GAL3ST2: variants seen among roughly 807,000 people sequenced by gnomAD.
GAL3ST2 encodes beta-galactose-3-O-sulfotransferase 2.
Under a neutral mutation model 12.9 loss-of-function variants are expected in GAL3ST2, and 16 were observed. The ratio of observed to expected loss-of-function variants is 1.24; its 90% CI spans 0.84 to 1.88. GAL3ST2 has a LOEUF of 1.88. GAL3ST2 is among the 40% of genes most tolerant of loss of function. The pLI is 0.00. For synonymous variants in GAL3ST2, 302 were observed against 273.9 expected, an observed-to-expected ratio of 1.10 and a Z score of -1.01; for missense variants, 639 against 571.8, an observed-to-expected ratio of 1.12 and a Z score of -1.20.
chr2:241,781,621 C>T (rs1699567863), intron 1 of GAL3ST2, among the ~76,000 whole-genome samples: 2 of 151,984 alleles, frequency 1.3e-5, no homozygotes, highest in Admixed American at 6.6e-5. Flanking sequence ...TAAATTATAT[C>T]AGAATTATAG....
intron 1 of GAL3ST2, among the ~76,000 whole-genome samples, chr2:241,797,366 G>C (rs1031086888): frequency 2.0e-5 from 3 of 152,180 alleles, no homozygotes; most frequent in African/African-American, 7.2e-5. Context: ...TGACTGTTTA[G>C]AATTTTTCTG....
chr2:241,781,441 T>C (rs1202493346), intron 1 of GAL3ST2, among the ~76,000 whole-genome samples: 1 of 152,132 alleles, frequency 6.6e-6, no homozygotes, highest in Non-Finnish European at 1.5e-5. Flanking sequence ...GTTCTATAGC[T>C]GATTATAAAA....
intron 1 of GAL3ST2, among the ~76,000 whole-genome samples, chr2:241,796,046 G>T (rs1229759495): frequency 1.3e-5 from 2 of 152,230 alleles, no homozygotes; most frequent in African/African-American, 2.4e-5. Flanking sequence ...GTGCCGTGAG[G>T]ATGAAGTGTG....
chr2:241,786,478 T>C (rs1173454841), intron 1 of GAL3ST2, among the ~76,000 whole-genome samples: 1 of 151,982 alleles, frequency 6.6e-6, no homozygotes, highest in African/African-American at 2.4e-5. Flanking sequence ...CTCTCTACCA[T>C]CTTAGAAGCA....
At chr2:241,792,011 T>C (rs1699698313) in intron 1 of GAL3ST2, among the ~76,000 whole-genome samples, 1 of 148,730 alleles carries the variant, frequency 6.7e-6, no homozygotes, top group Admixed American at 6.7e-5. Flanking sequence ...CTTTTCTTTC[T>C]TTCTTTTTTT....
rs1453408396 is a variant in GAL3ST2, at chr2:241,800,010, G to A, written c.119+856G>A. On this transcript the variant is annotated intron_variant, in intron 2 of 3. Coordinates refer to ENST00000192314, the MANE Select transcript of GAL3ST2 (RefSeq NM_022134.3). The surrounding 1 kb of genome is among the most constrained non-coding windows in gnomAD (Gnocchi z 5.2). The stretch of plus-strand genomic sequence containing the variant: ...TGTGAAGGGACAAGAAGCACTGCAC[G>A]TGTGGCTGAGGTCACAAAGCCAGCT... Among the ~76,000 whole-genome samples the A allele has an allele frequency of 1.3e-5, 2 of 152,234 alleles. No individual in the cohort carries two copies. Among genetic ancestry groups the A allele is most frequent in the African/African-American group, 4.8e-5 (2 of 41,470 alleles).
chr2:241,799,526 C>T (rs1477348640), intron 2 of GAL3ST2, among the ~76,000 whole-genome samples: 1 of 152,214 alleles, frequency 6.6e-6, no homozygotes, highest in Non-Finnish European at 1.5e-5. Context: ...CAGGACAGAC[C>T]TTGCAGCCAT....
chr2:241,797,523 C>T (rs1184303425), intron 1 of GAL3ST2, among the ~76,000 whole-genome samples: 3 of 152,048 alleles, frequency 2.0e-5, no homozygotes, highest in Admixed American at 6.5e-5. Flanking sequence ...GCCGGGCCAG[C>T]GTGTGGGAGT....
rs1372637479 is a variant in GAL3ST2 at position 241,801,643 on chromosome 2, C to T, written c.120-138C>T. On this transcript the variant is annotated intron_variant, in intron 2 of 3. Coordinates refer to ENST00000192314, the MANE Select transcript of GAL3ST2 (RefSeq NM_022134.3). This position sits in a 1 kb window ranked among gnomAD's most constrained non-coding sequence, Gnocchi z 4.4. ...TTGGGGCCATGGGTCGGTGCCTACC[C>T]AGTTGGCCCCCTGGCCTAGAGTTGG... The T allele has an allele frequency of 2.6e-6, 3 of 1,160,958 alleles. No homozygotes were observed. The highest frequency in any genetic ancestry group is 5.0e-5 in the Admixed American group (2 of 39,954). The allele number at this position is 1,160,958 out of a possible 1,614,324, so 71.9% of individuals were successfully genotyped here.
rs530147680 is a variant in GAL3ST2, at chr2:241,792,978, C to G, written c.30-6087C>G. ...GCCTGTGACCTGGAAGTCCCCTCCCCACTTGGAGTCTTCCTGCCTTTGCTT... is the reference window on the plus strand; with the variant it reads ...GCCTGTGACCTGGAAGTCCCCTCCCGACTTGGAGTCTTCCTGCCTTTGCTT... On this transcript the variant is annotated intron_variant, in intron 1 of 3. Coordinates refer to ENST00000192314, the MANE Select transcript of GAL3ST2 (RefSeq NM_022134.3). 1.3e-4 allele frequency among the ~76,000 whole-genome samples: 20 copies of G among 152,330 alleles called. No homozygotes were observed. The South Asian group carries it at 4.1e-3, about 32-fold the overall frequency.
chr2:241,792,330 G>GC (rs1339433541), intron 1 of GAL3ST2, among the ~76,000 whole-genome samples: 9 of 79,784 alleles, frequency 1.1e-4, no homozygotes, highest in African/African-American at 1.9e-4. Context: ...GCACCCACCC[G>GC]CCCCCCTTAT....
At chr2:241,798,452 A>T (rs550570727) in intron 1 of GAL3ST2, among the ~76,000 whole-genome samples, 1 of 151,950 alleles carries the variant, frequency 6.6e-6, no homozygotes, top group African/African-American at 2.4e-5. Context: ...GTGCCCCTAT[A>T]TGGGGAGCGA....
chr2:241,779,925 G>A (rs909454120), intron 1 of GAL3ST2, among the ~76,000 whole-genome samples: 1 of 151,836 alleles, frequency 6.6e-6, no homozygotes, highest in Non-Finnish European at 1.5e-5. Context: ...AGCGGAGGTT[G>A]CGGTGAGCCG....
chr2:241,801,675 C>T lies in GAL3ST2; in HGVS notation c.120-106C>T. On this transcript the variant is annotated intron_variant, in intron 2 of 3. Transcript: ENST00000192314. The surrounding 1 kb of genome is among the most constrained non-coding windows in gnomAD (Gnocchi z 4.4). ...CCCCCTGGCCTAGAGTTGGGGGGCT[C>T]AGGTTGGGAGGTCTCTCCTTGCGGT... is the stretch of plus-strand genomic sequence containing the variant. 7.0e-7 allele frequency: 1 copy of T among 1,436,568 alleles called. No individual in the cohort carries two copies. The highest frequency in any genetic ancestry group is 9.3e-7 in the Non-Finnish European group (1 of 1,080,140). 89.0% of individuals were successfully genotyped at this position (1,436,568 alleles called of 1,614,324 possible). A position where few individuals can be genotyped will look rare whatever the true frequency, so the allele number is the denominator to read the frequency against.
rs1202043356 is a variant in GAL3ST2 at position 241,782,125 on chromosome 2, C to T, written c.29+5141C>T. Among the ~76,000 whole-genome samples the T allele has an allele frequency of 2.0e-5, 3 of 152,304 alleles. No individual in the cohort carries two copies. The East Asian group carries it at 5.8e-4, about 29-fold the overall frequency. On this transcript the variant is annotated intron_variant, in intron 1 of 3. Transcript: ENST00000192314. ...TTTATTTAGGAGTTGGTTGATGCTT[C>T]AAGAAAACCTTGTTAATCTGGCACA...
chr2:241,793,487 GTACA>G lies in GAL3ST2; in HGVS notation c.30-5575_30-5572del, dbSNP rs1358708586. On this transcript the variant is annotated intron_variant, in intron 1 of 3. Transcript: ENST00000192314. This position sits in a 1 kb window ranked among gnomAD's most constrained non-coding sequence, Gnocchi z 4.7. ...GTATGTGTATGCATGTGTATTATAT[GTACA>G]TATTGTGTATGTGTGTGTATATGTA... is the stretch of plus-strand genomic sequence containing the variant. 6.6e-6 allele frequency among the ~76,000 whole-genome samples: 1 copy of G among 151,914 alleles called. No individual in the cohort carries two copies.
Position 241,776,841 on chromosome 2 carries a change from C to G in GAL3ST2, c.-115C>G, listed in dbSNP as rs1269854857. 2.3e-6 allele frequency: 2 copies of G among 875,678 alleles called. No individual in the cohort carries two copies. The highest frequency in any genetic ancestry group is 3.7e-5 in the South Asian group (1 of 27,218). 54.2% of individuals were successfully genotyped at this position (875,678 alleles called of 1,614,324 possible). A position where few individuals can be genotyped will look rare whatever the true frequency, so the allele number is the denominator to read the frequency against. Reference sequence around the variant, plus strand: ...GATTCCAGTTCACCTGCCCCACAGCCGCACCCTGCCTGTGCCTGCACCCTG... The same window carrying G: ...GATTCCAGTTCACCTGCCCCACAGCGGCACCCTGCCTGTGCCTGCACCCTG... On this transcript the variant is annotated 5_prime_UTR_variant, in exon 1 of 4. Coordinates refer to ENST00000192314, the MANE Select transcript of GAL3ST2 (RefSeq NM_022134.3).
intron 1 of GAL3ST2, among the ~76,000 whole-genome samples, chr2:241,796,562 T>C (rs1257302200): frequency 1.3e-5 from 2 of 152,144 alleles, no homozygotes; most frequent in Non-Finnish European, 2.9e-5. Flanking sequence ...AAGACAGATT[T>C]GTTTCATCTG....
At chr2:241,792,304 A>G (rs1395571279) in intron 1 of GAL3ST2, among the ~76,000 whole-genome samples, 84 of 152,156 alleles carry the variant, frequency 5.5e-4, no homozygotes, top group Non-Finnish European at 4.4e-5. Flanking sequence ...TGCTGGGATT[A>G]CAGACATGAA....
Sources: allele counts gnomAD v4.1 joint callset (sites outside exome capture counted in the v4.1 genomes callset), GRCh38; gene constraint gnomAD v4.1.1; non-coding constraint Gnocchi (gnomAD v3.1); transcripts MANE v1.5; gene names NCBI Gene and HGNC (gene_info 2026-07-23, HGNC 2026-07-21).